Variants in ABRA observed in about 807,000 individuals in gnomAD.
The protein encoded by ABRA is actin-binding Rho-activating protein.
A neutral mutation model predicts 33.4 loss-of-function variants in ABRA; 25 were observed. The ratio of observed to expected loss-of-function variants is 0.75; its 90% CI spans 0.55 to 1.04. The LOEUF is 1.04. Among genes scored for constraint, ABRA ranks in the 50% least tolerant of loss-of-function variants. ABRA has a pLI of 0.00. For synonymous variants in ABRA, 193 were observed against 176.8 expected (o/e 1.09, Z -0.73); for missense variants, 501 against 491.7 (o/e 1.02, Z -0.18).
intron 1 of ABRA, among the ~76,000 whole-genome samples, chr8:106,763,501 CCCT>C (rs1836166044): frequency 6.6e-6 from 1 of 152,188 alleles, no homozygotes; most frequent in Non-Finnish European, 1.5e-5. Context: ...TAATGGATTT[CCCT>C]CAGCCCTCCT....
At chr8:106,765,297 T>C (rs1222613370) in intron 1 of ABRA, among the ~76,000 whole-genome samples, 1 of 152,144 alleles carries the variant, frequency 6.6e-6, no homozygotes, top group Non-Finnish European at 1.5e-5. Context: ...AAACATTTCC[T>C]GGTGGTTGCC....
At chr8:106,764,078 A>C (rs1194272158) in intron 1 of ABRA, among the ~76,000 whole-genome samples, 1 of 152,236 alleles carries the variant, frequency 6.6e-6, no homozygotes, top group Non-Finnish European at 1.5e-5. Flanking sequence ...ATTGAAAGTA[A>C]TTATGTCGGT....
At chr8:106,768,173 C>T (rs966483682) in intron 1 of ABRA, among the ~76,000 whole-genome samples, 1 of 151,234 alleles carries the variant, frequency 6.6e-6, no homozygotes, top group Admixed American at 6.6e-5. Context: ...TTTCATAAGA[C>T]TTGAAAAACA....
At position 106,760,452 on chromosome 8, in the gene ABRA, T is replaced by C. The variant is rs1836118585; in HGVS notation, c.*585A>G. ...CTATGATATAAACAATAATACAAAG[T>C]CAAGCTTCTGAAAAAATTTTAAGTT... is the stretch of plus-strand genomic sequence containing the variant. On this transcript the variant is annotated 3_prime_UTR_variant, in exon 2 of 2. Coordinates refer to ENST00000311955, the MANE Select transcript of ABRA (RefSeq NM_139166.5). The C allele has an allele frequency of 1.3e-5, 2 of 152,038 alleles. No homozygotes were observed. The highest frequency in any genetic ancestry group is 2.9e-5 in the Non-Finnish European group (2 of 68,044). The allele number at this position is 152,038 out of a possible 1,614,324, so 9.4% of individuals were successfully genotyped here.
chr8:106,770,227 A>G lies in ABRA; in HGVS notation c.-37T>C. ...GTCTTTCTCTGCTGATAGCCTGGAC[A>G]CTGGCTAAAATGAGTGTGGTCCAGT... On this transcript the variant is annotated 5_prime_UTR_variant, in exon 1 of 2. Coordinates refer to ENST00000311955, the MANE Select transcript of ABRA (RefSeq NM_139166.5). The G allele has an allele frequency of 6.4e-7, 1 of 1,569,058 alleles. No homozygotes were observed. The highest frequency in any genetic ancestry group is 8.6e-7 in the Non-Finnish European group (1 of 1,163,664).
At chr8:106,768,791 G>A (rs776513104) in intron 1 of ABRA, among the ~76,000 whole-genome samples, 53 of 152,080 alleles carry the variant, frequency 3.5e-4, no homozygotes, top group Non-Finnish European at 7.2e-4. Context: ...ACAACACTGT[G>A]CCTAGCTATT....
At chr8:106,762,861 CT>C (rs923590014) in intron 1 of ABRA, among the ~76,000 whole-genome samples, 42 of 152,300 alleles carry the variant, frequency 2.8e-4, no homozygotes, top group African/African-American at 6.3e-4. Flanking sequence ...ATTGCCTAGA[CT>C]TTTTCCCTAG....
rs752259723 is a variant in ABRA, at chr8:106,769,678, G to A, written c.513C>T (p.Thr171=). ...CCTGCTCCATCACTCTCCAGCCCTT[G>A]GTTAGCTCAGACACCAGGTTGGCAC... ...RKCANLVSEL[T]KGWRVMEQEE... Residue 171 remains threonine (T), a synonymous_variant, in exon 1 of 2, where the codon ACC becomes ACT. Coordinates refer to ENST00000311955, the MANE Select transcript of ABRA (RefSeq NM_139166.5). 6.2e-7 allele frequency: 1 copy of A among 1,613,996 alleles called. No individual in the cohort carries two copies. The highest frequency in any genetic ancestry group is 2.2e-5 in the East Asian group (1 of 44,878).
rs1213951421 is a variant in ABRA, at chr8:106,760,041, A to T, written c.*996T>A. On this transcript the variant is annotated 3_prime_UTR_variant, in exon 2 of 2. Coordinates refer to ENST00000311955, the MANE Select transcript of ABRA (RefSeq NM_139166.5). ...TTTAATTCACCAATGATTCTATGGG[A>T]TTTTTCTAATACTGAACATTCCACT... 1 of 152,152 alleles carries T rather than the reference A, an allele frequency of 6.6e-6. No homozygotes were observed. The highest frequency in any genetic ancestry group is 1.5e-5 in the Non-Finnish European group (1 of 68,018). 9.4% of individuals were successfully genotyped at this position (152,152 alleles called of 1,614,324 possible).
chr8:106,763,805 G>T (rs1836170585), intron 1 of ABRA, among the ~76,000 whole-genome samples: 1 of 152,176 alleles, frequency 6.6e-6, no homozygotes, highest in Non-Finnish European at 1.5e-5. Context: ...CTCATACTTT[G>T]TCTCCTGAGC....
At chr8:106,766,705 G>A (rs1836226522) in intron 1 of ABRA, among the ~76,000 whole-genome samples, 1 of 152,186 alleles carries the variant, frequency 6.6e-6, no homozygotes, top group Admixed American at 6.5e-5. Context: ...CTCTGAACCT[G>A]CAGAGCCAAG....
chr8:106,761,072 G>C lies in ABRA; in HGVS notation c.1111C>G (p.Arg371Gly), dbSNP rs765786301. Residue 371 changes from arginine (R) to glycine (G), a missense_variant, in exon 2 of 2, where the codon CGA becomes GGA. By Grantham distance (125) the Arg-to-Gly change is moderately radical. Transcript: ENST00000311955. ...DFEGEMLWQG[R>G]DDHVVITLLK is the part of the protein sequence containing the mutation. ...AGCGTAATCACAACATGGTCATCTC[G>C]GCCTTGCCATAGCATCTCTCCTTCA... The C allele has an allele frequency of 2.2e-5, 36 of 1,613,918 alleles. No homozygotes were observed. Among genetic ancestry groups the C allele is most frequent in the Non-Finnish European group, 2.7e-5 (32 of 1,179,986 alleles).
rs749762231 is a variant in ABRA, at chr8:106,761,205, A to G, written c.978T>C (p.Asp326=). 2 of 1,614,094 alleles carry G rather than the reference A, an allele frequency of 1.2e-6. No homozygotes were observed. Among genetic ancestry groups the G allele is most frequent in the African/African-American group, 1.3e-5 (1 of 74,930 alleles). ...CTCCAAAAGTAACCTGGATCTTGCC[A>G]TCTCGTCTGTGGCGAGCCATTGTGC... ...IICTMARHRR[D]GKIQVTFGDL... is the part of the protein sequence containing the mutation. The change falls in exon 2 of 2, where the codon GAT becomes GAC. Residue 326 remains aspartate, a synonymous_variant. Coordinates refer to ENST00000311955, the MANE Select transcript of ABRA (RefSeq NM_139166.5).
rs117200189 is a variant in ABRA at position 106,764,017 on chromosome 8, C to T, written c.669-2503G>A. Among the ~76,000 whole-genome samples, 166 of 152,266 alleles carry T rather than the reference C, an allele frequency of 1.1e-3. 3 individuals are homozygous for T. In the East Asian group the frequency reaches 0.03, roughly 27 times the overall value. ...ATTTGGGTTTATGGTACAATCACAACTCTGTAAAATGTATAAGCACTAGGC... is the reference window on the plus strand; with the variant it reads ...ATTTGGGTTTATGGTACAATCACAATTCTGTAAAATGTATAAGCACTAGGC... On this transcript the variant is annotated intron_variant, in intron 1 of 1. Coordinates refer to ENST00000311955, the MANE Select transcript of ABRA (RefSeq NM_139166.5).
chr8:106,766,971 T>C (rs919154282), intron 1 of ABRA, among the ~76,000 whole-genome samples: 6 of 152,256 alleles, frequency 3.9e-5, no homozygotes, highest in South Asian at 2.1e-4. Context: ...GGTGCCCATG[T>C]GCCAGCCTGA....
At chr8:106,763,192 C>T (rs1836161612) in intron 1 of ABRA, among the ~76,000 whole-genome samples, 1 of 152,198 alleles carries the variant, frequency 6.6e-6, no homozygotes, top group South Asian at 2.1e-4. Context: ...GGGAGGAATA[C>T]ATACTTACAT....
chr8:106,767,094 A>C (rs1563781715), intron 1 of ABRA, among the ~76,000 whole-genome samples: 1 of 152,242 alleles, frequency 6.6e-6, no homozygotes, highest in African/African-American at 2.4e-5. Flanking sequence ...AATCTCATAC[A>C]AATTCCCTAA....
At chr8:106,762,708 T>G (rs1246331094) in intron 1 of ABRA, among the ~76,000 whole-genome samples, 1 of 152,076 alleles carries the variant, frequency 6.6e-6, no homozygotes, top group African/African-American at 2.4e-5. Flanking sequence ...CTAATGCATG[T>G]GGGGCTTAAT....
Position 106,761,260 on chromosome 8 carries a change from CT to C in ABRA, c.922del (p.Arg308GlyfsTer3), listed in dbSNP as rs1563780104. On this transcript the variant is annotated frameshift_variant, in exon 2 of 2. Coordinates refer to ENST00000311955, the MANE Select transcript of ABRA (RefSeq NM_139166.5). LOFTEE classifies it high-confidence loss of function. ...AATGAAGCACATGTCCATCATTTCC[CT>C]GTAGATGTGCTCCTCAGCACGCTTG... ...RAKRAEEHIY[R>X]EMMDMCFIIC... 1.2e-6 allele frequency: 2 copies of C among 1,614,236 alleles called. No individual in the cohort carries two copies. The highest frequency in any genetic ancestry group is 1.7e-6 in the Non-Finnish European group (2 of 1,180,050).
Sources: allele counts gnomAD v4.1 joint callset (sites outside exome capture counted in the v4.1 genomes callset), GRCh38; gene constraint gnomAD v4.1.1; transcripts MANE v1.5; gene names NCBI Gene and HGNC (gene_info 2026-07-23, HGNC 2026-07-21).